AOPEP: variants seen among roughly 807,000 people sequenced by gnomAD.
The protein encoded by AOPEP is aminopeptidase O.
AOPEP carries 77 observed loss-of-function variants against 98.1 expected under a neutral mutation model. The observed-to-expected ratio is 0.78, with a 90% CI of 0.65 to 0.95. The LOEUF (loss-of-function observed/expected upper bound fraction) is 0.95, where lower values mean the gene tolerates loss of function less well. AOPEP is among the 40% of genes least tolerant of loss of function. The probability of loss-of-function intolerance (pLI) is 0.00; values close to 1 mark genes in which losing one functional copy is unlikely to be tolerated. For missense variants in AOPEP, 1,024 were observed against 1,024.7 expected (o/e 1.00, Z 0.01); for synonymous variants, 346 against 365.3 (o/e 0.95, Z 0.60).
intron 7 of AOPEP, among the ~76,000 whole-genome samples, chr9:94,937,115 G>C (rs986981046): frequency 6.6e-6 from 1 of 152,184 alleles, no homozygotes; most frequent in Non-Finnish European, 1.5e-5. Context: ...CCCGGAGATT[G>C]GGGGGCGGGG....
At chr9:94,776,559 C>T (rs1305161816) in intron 3 of AOPEP, among the ~76,000 whole-genome samples, 2 of 152,210 alleles carry the variant, frequency 1.3e-5, no homozygotes, top group Non-Finnish European at 1.5e-5. Context: ...GCCTCGGCCT[C>T]CCAAAGTGCT....
At chr9:94,732,276 G>A (rs1225861839) in intron 1 of AOPEP, among the ~76,000 whole-genome samples, 1 of 149,292 alleles carries the variant, frequency 6.7e-6, no homozygotes. Context: ...ATCTTTATGA[G>A]CATAACCTAC....
intron 7 of AOPEP, among the ~76,000 whole-genome samples, chr9:94,947,222 C>T (rs2057734003): frequency 6.6e-6 from 1 of 151,868 alleles, no homozygotes; most frequent in South Asian, 2.1e-4. Flanking sequence ...ACCTCGTGAT[C>T]CACCCGCCTC....
At chr9:95,120,922 G>C in the AOPEP span, among the ~76,000 whole-genome samples, 1 of 151,958 alleles carries the variant, frequency 6.6e-6, no homozygotes, top group Non-Finnish European at 1.5e-5. Context: ...GGCACCTTAA[G>C]TCAATCAGAT....
rs1463031725 is a variant in AOPEP at position 94,773,066 on chromosome 9, C to G, written c.862C>G (p.Pro288Ala). ...GGCCCTTTTTCCATGCCAGGAGCCACCCGTTGCCATGTCAACATGGCAGGC... is the reference window on the plus strand; with the variant it reads ...GGCCCTTTTTCCATGCCAGGAGCCAGCCGTTGCCATGTCAACATGGCAGGC... ...NRALFPCQEP[P>A]VAMSTWQATV... Residue 288 changes from proline to alanine, a missense_variant, in exon 3 of 17, where the codon CCC (proline) becomes GCC (alanine). Transcript: ENST00000375315. 2 of 1,613,980 alleles carry G rather than the reference C, an allele frequency of 1.2e-6. No individual in the cohort carries two copies. Among genetic ancestry groups the G allele is most frequent in the Non-Finnish European group, 8.5e-7 (1 of 1,180,000 alleles).
At chr9:94,828,911 C>T (rs1855286559) in intron 5 of AOPEP, among the ~76,000 whole-genome samples, 1 of 150,642 alleles carries the variant, frequency 6.6e-6, no homozygotes, top group Admixed American at 6.6e-5. Flanking sequence ...CTCTGTTGTC[C>T]AGGCTGGAGT....
chr9:94,767,838 C>T (rs1839968876), intron 2 of AOPEP, among the ~76,000 whole-genome samples: 1 of 152,100 alleles, frequency 6.6e-6, no homozygotes, highest in African/African-American at 2.4e-5. Context: ...GCCATGTATT[C>T]AGTATGATTG....
chr9:94,759,948 A>G lies in AOPEP; in HGVS notation c.165A>G (p.Lys55=). 6.2e-7 allele frequency: 1 copy of G among 1,614,198 alleles called. No homozygotes were observed. Among genetic ancestry groups the G allele is most frequent in the Non-Finnish European group, 8.5e-7 (1 of 1,180,032 alleles). Residue 55 remains lysine, a synonymous_variant, in exon 2 of 17, where the codon AAA becomes AAG. Coordinates refer to ENST00000375315, the MANE Select transcript of AOPEP (RefSeq NM_001193329.3). ...LFLEDGNRFK[K]QNSSIEEACQ... is the part of the protein sequence containing the mutation. Reference sequence around the variant, plus strand: ...TCGAGGATGGAAACAGATTCAAGAAACAGAATAGCTCTATTGAGGAAGCCT... The same window carrying G: ...TCGAGGATGGAAACAGATTCAAGAAGCAGAATAGCTCTATTGAGGAAGCCT...
At chr9:94,860,606 C>T (rs2044820454) in intron 5 of AOPEP, among the ~76,000 whole-genome samples, 1 of 152,028 alleles carries the variant, frequency 6.6e-6, no homozygotes, top group Admixed American at 6.6e-5. Flanking sequence ...CCAAGATATG[C>T]TCTGGAGAAT....
chr9:94,762,466 AG>A (rs1838572922), intron 2 of AOPEP, among the ~76,000 whole-genome samples: 1 of 151,872 alleles, frequency 6.6e-6, no homozygotes, highest in South Asian at 2.1e-4. Context: ...AAAAAAAAAA[AG>A]AAATTAAAGA....
chr9:94,910,344 A>C (rs975186092), intron 5 of AOPEP, among the ~76,000 whole-genome samples: 1 of 152,184 alleles, frequency 6.6e-6, no homozygotes. Flanking sequence ...CACCTGTGGC[A>C]GACTGGTCAT....
At position 94,931,862 on chromosome 9, in the gene AOPEP, C is replaced by T; in HGVS notation, c.1661+3331C>T. 5 of 1,399,946 alleles carry T rather than the reference C, an allele frequency of 3.6e-6. No homozygotes were observed. The East Asian group carries it at 1.0e-4, about 28-fold the overall frequency. 86.7% of individuals were successfully genotyped at this position (1,399,946 alleles called of 1,614,324 possible). A position where few individuals can be genotyped will look rare whatever the true frequency, so the allele number is the denominator to read the frequency against. ...CTGTGTGTCTTACTCTCCTTGAGTT[C>T]CCTCTGCCTCTGTGGCCAGTCCTTC... On this transcript the variant is annotated intron_variant, in intron 7 of 16. Transcript: ENST00000375315.
At chr9:94,959,353 C>T (rs775806400) in intron 9 of AOPEP, among the ~76,000 whole-genome samples, 5 of 152,074 alleles carry the variant, frequency 3.3e-5, no homozygotes, top group South Asian at 4.1e-4. Flanking sequence ...TATGTTGTGA[C>T]GATTACAGTC....
intron 5 of AOPEP, 30 bp from the exon 6 acceptor site, chr9:94,923,954 ACT>A (rs781057901): frequency 5.0e-5 from 68 of 1,358,490 alleles, no homozygotes; most frequent in Non-Finnish European, 6.2e-5. Context: ...CTCTAACAAG[ACT>A]CTGTGCATTT....
chr9:94,909,013 C>T (rs761430655), intron 5 of AOPEP, among the ~76,000 whole-genome samples: 30 of 152,216 alleles, frequency 2.0e-4, no homozygotes, highest in South Asian at 4.1e-4. Flanking sequence ...CTGAACTTGG[C>T]CTCCAAAATA....
At chr9:95,049,568 A>G (rs1452457217) in intron 13 of AOPEP, among the ~76,000 whole-genome samples, 5 of 152,248 alleles carry the variant, frequency 3.3e-5, no homozygotes, top group Admixed American at 3.3e-4. Flanking sequence ...TCGGGAAGTT[A>G]TAGGAAATGT....
intron 5 of AOPEP, among the ~76,000 whole-genome samples, chr9:94,819,837 T>G (rs1192746720): frequency 6.6e-6 from 1 of 151,878 alleles, no homozygotes; most frequent in Non-Finnish European, 1.5e-5. Flanking sequence ...CCTTCTGAAG[T>G]GCTGGGATTA....
At chr9:94,772,713 T>C (rs190411795) in intron 2 of AOPEP, among the ~76,000 whole-genome samples, 1 of 152,342 alleles carries the variant, frequency 6.6e-6, no homozygotes, top group East Asian at 1.9e-4. Flanking sequence ...AAGGGTAATA[T>C]AACTTGGCCG....
intron 13 of AOPEP, among the ~76,000 whole-genome samples, chr9:95,060,373 G>A (rs1385542670): frequency 6.6e-6 from 1 of 152,206 alleles, no homozygotes; most frequent in African/African-American, 2.4e-5. Context: ...GTGTATGCGT[G>A]CTGTAAAGGA....
Sources: gnomAD v4.1 joint callset for allele counts (sites outside exome capture counted in the v4.1 genomes callset) on GRCh38, gnomAD v4.1.1 for gene constraint, MANE v1.5 for transcripts, NCBI Gene and HGNC (gene_info 2026-07-23, HGNC 2026-07-21) for gene names.